The following PHACTR3 variants were observed in gnomAD, a reference collection of about 807,000 sequenced individuals.
PHACTR3 encodes protein phosphatase 1, regulatory subunit 123.
A neutral mutation model predicts 66.8 loss-of-function variants in PHACTR3; 16 were observed. The ratio of observed to expected loss-of-function variants is 0.24; its 90% CI spans 0.16 to 0.36. The LOEUF (loss-of-function observed/expected upper bound fraction) is 0.36. Ranked by LOEUF, PHACTR3 falls within the 10% of genes least tolerant of loss-of-function variation. The pLI is 1.00. For synonymous variants in PHACTR3, 323 were observed against 292.1 expected (o/e 1.11, Z -1.08); for missense variants, 647 against 719.9 (o/e 0.90, Z 1.16).
chr20:59,620,990 G>A (rs1393379116), intron 1 of PHACTR3, among the ~76,000 whole-genome samples: 1 of 152,232 alleles, frequency 6.6e-6, no homozygotes, highest in Non-Finnish European at 1.5e-5. Flanking sequence ...AGAGTCCACT[G>A]CTGTCATCTT....
At chr20:59,842,104 A>G (rs971117083) in intron 11 of PHACTR3, among the ~76,000 whole-genome samples, 2 of 152,182 alleles carry the variant, frequency 1.3e-5, no homozygotes, top group Non-Finnish European at 2.9e-5. Context: ...CTGAACAGCT[A>G]GAGAGGCAGG....
chr20:59,836,180 G>A lies in PHACTR3; in HGVS notation c.1329-325G>A, dbSNP rs184933159. The A allele has an allele frequency of 1.7e-5, 4 of 230,274 alleles. No individual in the cohort carries two copies. The Admixed American group carries it at 1.8e-4, about 10-fold the overall frequency. 14.3% of individuals were successfully genotyped at this position (230,274 alleles called of 1,614,324 possible). A position where few individuals can be genotyped will look rare whatever the true frequency, so the allele number is the denominator to read the frequency against. ...AAGAATTTCCTGAACAGATCTCCTCGCTGCTTAAACACACTGCTCCGGTGA... is the reference window on the plus strand; with the variant it reads ...AAGAATTTCCTGAACAGATCTCCTCACTGCTTAAACACACTGCTCCGGTGA... On this transcript the variant is annotated intron_variant, in intron 8 of 12. Coordinates refer to ENST00000371015, the MANE Select transcript of PHACTR3 (RefSeq NM_080672.5).
chr20:59,577,541 T>TCCTGCGCC lies in PHACTR3; in HGVS notation c.41_48dup (p.Ser17ProfsTer46). ...GCCGTGGCGGGGGGCGCGCCCGCTG[T>TCCTGCGCC]CCTGCGCCCCTGCGCTCGCTGCTGG... On this transcript the variant is annotated frameshift_variant, in exon 1 of 13. Transcript: ENST00000359926. LOFTEE classifies it high-confidence loss of function. 8.5e-7 allele frequency: 1 copy of TCCTGCGCC among 1,179,834 alleles called. No individual in the cohort carries two copies. Among genetic ancestry groups the TCCTGCGCC allele is most frequent in the Non-Finnish European group, 1.0e-6 (1 of 954,858 alleles). 73.1% of individuals were successfully genotyped at this position (1,179,834 alleles called of 1,614,324 possible). A position where few individuals can be genotyped will look rare whatever the true frequency, so the allele number is the denominator to read the frequency against.
intron 4 of PHACTR3, among the ~76,000 whole-genome samples, chr20:59,765,557 TTAACA>T (rs756964316): frequency 3.5e-4 from 54 of 152,316 alleles, no homozygotes; most frequent in Non-Finnish European, 6.3e-4. Context: ...TGTCATGAAC[TTAACA>T]TAAGAAAGGG....
intron 1 of PHACTR3, among the ~76,000 whole-genome samples, chr20:59,686,827 GTGGTGATGATGATGGTGATGA>G (rs1322337986): frequency 3.1e-4 from 43 of 139,876 alleles, no homozygotes; most frequent in Admixed American, 2.9e-3. Flanking sequence ...GGTGATGGTG[GTGGTGATGATGATGGTGATGA>G]TGGTGATGAT....
chr20:59,718,733 T>A (rs1320997018), intron 1 of PHACTR3, among the ~76,000 whole-genome samples: 1 of 152,254 alleles, frequency 6.6e-6, no homozygotes, highest in Non-Finnish European at 1.5e-5. Context: ...TTCAATCTAA[T>A]GCGAGTTAAA....
At chr20:59,833,315 G>A (rs535332279) in intron 8 of PHACTR3, among the ~76,000 whole-genome samples, 143 of 152,348 alleles carry the variant, frequency 9.4e-4, no homozygotes, top group Middle Eastern at 3.4e-3. Context: ...CAATTGCACA[G>A]TTTTTGCTGG....
chr20:59,716,538 C>A (rs1409810084), intron 1 of PHACTR3, among the ~76,000 whole-genome samples: 2 of 106,576 alleles, frequency 1.9e-5, no homozygotes, highest in African/African-American at 5.9e-5. Flanking sequence ...TCCACTGCAC[C>A]CGGCCCTCTT....
chr20:59,786,456 G>A (rs1041820567), intron 7 of PHACTR3, among the ~76,000 whole-genome samples: 7 of 152,216 alleles, frequency 4.6e-5, no homozygotes, highest in African/African-American at 1.4e-4. Context: ...TCTTTAAGAT[G>A]AGCAGGTCCA....
intron 4 of PHACTR3, among the ~76,000 whole-genome samples, chr20:59,759,297 C>G (rs1270936144): frequency 6.6e-6 from 1 of 152,214 alleles, no homozygotes; most frequent in Non-Finnish European, 1.5e-5. Context: ...TGAGCAACAT[C>G]CCTATAAACG....
intron 7 of PHACTR3, among the ~76,000 whole-genome samples, chr20:59,805,319 G>A (rs568176971): frequency 2.4e-4 from 36 of 152,324 alleles, no homozygotes; most frequent in Non-Finnish European, 4.3e-4. Context: ...TTAAGTTCAC[G>A]CAACAGTATT....
intron 1 of PHACTR3, among the ~76,000 whole-genome samples, chr20:59,693,610 A>G (rs899604294): frequency 6.6e-6 from 1 of 152,166 alleles, no homozygotes; most frequent in Non-Finnish European, 1.5e-5. Context: ...CTGGTGTATC[A>G]GTTACCTGTT....
intron 1 of PHACTR3, among the ~76,000 whole-genome samples, chr20:59,649,083 TG>T (rs1370286739): frequency 6.6e-6 from 1 of 152,226 alleles, no homozygotes; most frequent in Admixed American, 6.5e-5. Flanking sequence ...GTTTCCATGC[TG>T]GACAATTGTT....
intron 1 of PHACTR3, among the ~76,000 whole-genome samples, chr20:59,592,144 C>A (rs1357805489): frequency 6.6e-6 from 1 of 152,094 alleles, no homozygotes; most frequent in East Asian, 1.9e-4. Flanking sequence ...TATCAGCCTA[C>A]AAATGTCTTC....
intron 4 of PHACTR3, among the ~76,000 whole-genome samples, chr20:59,763,229 T>C (rs1444602208): frequency 6.6e-6 from 1 of 152,232 alleles, no homozygotes; most frequent in Non-Finnish European, 1.5e-5. Flanking sequence ...CCTGCCGCCT[T>C]GTGAAGAAGG....
At chr20:59,662,700 G>C (rs2035852797) in intron 1 of PHACTR3, among the ~76,000 whole-genome samples, 3 of 152,266 alleles carry the variant, frequency 2.0e-5, no homozygotes, top group Non-Finnish European at 2.9e-5. Flanking sequence ...GGGGCTGGAG[G>C]GGGCAGGGGG....
intron 1 of PHACTR3, among the ~76,000 whole-genome samples, chr20:59,641,175 A>G (rs1261053265): frequency 6.6e-6 from 1 of 152,146 alleles, no homozygotes; most frequent in Non-Finnish European, 1.5e-5. Context: ...ACCTCTGTTC[A>G]TCTATCCATC....
chr20:59,728,455 G>A (rs1449385133), intron 1 of PHACTR3, among the ~76,000 whole-genome samples: 1 of 152,084 alleles, frequency 6.6e-6, no homozygotes, highest in Non-Finnish European at 1.5e-5. Flanking sequence ...ACCTGCACAC[G>A]AATGTCCAAT....
chr20:59,707,072 GGC>G (rs1182650779), intron 1 of PHACTR3, among the ~76,000 whole-genome samples: 6 of 152,232 alleles, frequency 3.9e-5, no homozygotes, highest in African/African-American at 1.4e-4. Context: ...AATGAAGAGA[GGC>G]ATTGATTGGT....
Sources: gnomAD v4.1 joint callset for allele counts (sites outside exome capture counted in the v4.1 genomes callset) on GRCh38, gnomAD v4.1.1 for gene constraint, MANE v1.5 for transcripts, NCBI Gene and HGNC (gene_info 2026-07-23, HGNC 2026-07-21) for gene names.